Variants in PTPRN2 observed in about 807,000 individuals in gnomAD.
PTPRN2 encodes the protein receptor-type tyrosine-protein phosphatase N2.
Under a neutral mutation model 118.8 loss-of-function variants are expected in PTPRN2, and 74 were observed. That is an observed-to-expected ratio of 0.62 (90% CI 0.52 to 0.76). The LOEUF (loss-of-function observed/expected upper bound fraction) is 0.76. Ranked by LOEUF, PTPRN2 falls within the 30% of genes least tolerant of loss-of-function variation. The pLI is 0.00. For missense variants in PTPRN2, 1,481 were observed against 1,394.4 expected, an observed-to-expected ratio of 1.06 and a Z score of -0.99; for synonymous variants, 641 against 608.0, an observed-to-expected ratio of 1.05 and a Z score of -0.80.
chr7:158,103,858 GATT>G (rs1310132759), intron 10 of PTPRN2, among the ~76,000 whole-genome samples: 3 of 151,714 alleles, frequency 2.0e-5, no homozygotes, highest in African/African-American at 4.8e-5. Flanking sequence ...CTTAGAGACA[GATT>G]ATTATTATTT....
intron 12 of PTPRN2, among the ~76,000 whole-genome samples, chr7:157,758,540 G>T (rs1271544550): frequency 6.6e-6 from 1 of 152,254 alleles, no homozygotes; most frequent in Non-Finnish European, 1.5e-5. Flanking sequence ...AGGCTAAAGG[G>T]AGCCGAGGCA....
intron 12 of PTPRN2, among the ~76,000 whole-genome samples, chr7:157,767,372 C>G (rs1168534444): frequency 6.6e-6 from 1 of 152,208 alleles, no homozygotes; most frequent in Non-Finnish European, 1.5e-5. Context: ...AGACTGACTG[C>G]CATGTTATCT....
chr7:157,962,308 C>G (rs1801595937), intron 11 of PTPRN2, among the ~76,000 whole-genome samples: 1 of 151,962 alleles, frequency 6.6e-6, no homozygotes, highest in Non-Finnish European at 1.5e-5. Context: ...TGAATGGCCA[C>G]ACTTCAGCAG....
At chr7:157,737,859 C>G (rs1055886291) in intron 12 of PTPRN2, among the ~76,000 whole-genome samples, 4 of 152,218 alleles carry the variant, frequency 2.6e-5, no homozygotes, top group Non-Finnish European at 2.9e-5. Context: ...ACCCCCGATG[C>G]GGGGAGGACC....
chr7:157,931,964 C>T (rs1799385477), intron 11 of PTPRN2, among the ~76,000 whole-genome samples: 1 of 152,158 alleles, frequency 6.6e-6, no homozygotes, highest in Admixed American at 6.5e-5. Context: ...TAACATACGT[C>T]AGATTTATAG....
intron 9 of PTPRN2, among the ~76,000 whole-genome samples, chr7:158,124,738 G>A (rs1020663464): frequency 1.3e-5 from 2 of 152,134 alleles, no homozygotes; most frequent in Non-Finnish European, 2.9e-5. Flanking sequence ...AGGGCCTGGT[G>A]GAGTGTCCCC....
At chr7:158,206,436 C>G (rs934829202) in intron 3 of PTPRN2, among the ~76,000 whole-genome samples, 3 of 151,494 alleles carry the variant, frequency 2.0e-5, no homozygotes, top group Non-Finnish European at 4.4e-5. Flanking sequence ...GGTACCCAGG[C>G]AGTACCCCAT....
intron 6 of PTPRN2, among the ~76,000 whole-genome samples, chr7:158,154,693 A>G (rs1380410842): frequency 2.6e-5 from 4 of 152,178 alleles, no homozygotes; most frequent in Non-Finnish European, 5.9e-5. Flanking sequence ...TCCAAAAACT[A>G]CTTCCCCTCA....
chr7:158,460,601 C>T lies in PTPRN2; in HGVS notation c.163+29134G>A, dbSNP rs572498574. Among the ~76,000 whole-genome samples, 88 of 151,516 alleles carry T rather than the reference C, an allele frequency of 5.8e-4. 2 individuals carry two copies. In the South Asian group the frequency reaches 0.017, roughly 29 times the overall value. ...GGACTCTATCTACATGTTCCTGCTACGGGGGCTGTGTGCCGTCAGCACAGG... is the reference window on the plus strand; with the variant it reads ...GGACTCTATCTACATGTTCCTGCTATGGGGGCTGTGTGCCGTCAGCACAGG... On this transcript the variant is annotated intron_variant, in intron 2 of 22. Coordinates refer to ENST00000389418, the MANE Select transcript of PTPRN2 (RefSeq NM_002847.5).
intron 2 of PTPRN2, among the ~76,000 whole-genome samples, chr7:158,417,156 G>A (rs1814738046): frequency 6.6e-6 from 1 of 151,948 alleles, no homozygotes; most frequent in Non-Finnish European, 1.5e-5. Flanking sequence ...AAGTCACAGT[G>A]TACTACATTG....
At chr7:158,528,806 G>GAAA (rs59416367) in intron 1 of PTPRN2, among the ~76,000 whole-genome samples, 3,095 of 117,268 alleles carry the variant, frequency 0.026, 132 homozygotes, top group African/African-American at 0.09. Flanking sequence ...CTCAAAAACG[G>GAAA]AAAAAAAAAA....
chr7:158,144,521 C>T (rs940558774), intron 6 of PTPRN2, among the ~76,000 whole-genome samples: 6 of 152,200 alleles, frequency 3.9e-5, no homozygotes, highest in Non-Finnish European at 8.8e-5. Context: ...CGCCTGTAAT[C>T]CCAGCTATGC....
At chr7:157,693,256 C>T (rs1211203432) in intron 12 of PTPRN2, among the ~76,000 whole-genome samples, 2 of 151,996 alleles carry the variant, frequency 1.3e-5, no homozygotes, top group Admixed American at 1.3e-4. Context: ...TGTGTGTGCG[C>T]GCGTGTCTGA....
At chr7:157,725,629 C>A (rs1169648894) in intron 12 of PTPRN2, among the ~76,000 whole-genome samples, 1 of 140,754 alleles carries the variant, frequency 7.1e-6, no homozygotes, top group African/African-American at 2.7e-5. Context: ...TGTGGCCATA[C>A]CCTCGCCTCC....
chr7:157,727,121 T>C (rs537709399), intron 12 of PTPRN2, among the ~76,000 whole-genome samples: 9 of 152,336 alleles, frequency 5.9e-5, no homozygotes, highest in Non-Finnish European at 1.2e-4. Context: ...GGCAGCCCTA[T>C]GTCTGGGTGT....
intron 11 of PTPRN2, among the ~76,000 whole-genome samples, chr7:157,918,771 G>A (rs1412395427): frequency 1.3e-5 from 2 of 152,196 alleles, no homozygotes; most frequent in Non-Finnish European, 2.9e-5. Context: ...GAACTGGTGT[G>A]TGCCAAGAAA....
intron 4 of PTPRN2, among the ~76,000 whole-genome samples, chr7:158,204,188 C>T (rs1285531005): frequency 6.6e-6 from 1 of 151,012 alleles, no homozygotes; most frequent in Non-Finnish European, 1.5e-5. Flanking sequence ...CCGCCGCCCT[C>T]AGCGTGCGCC....
intron 9 of PTPRN2, among the ~76,000 whole-genome samples, chr7:158,131,332 T>C (rs1450016990): frequency 2.7e-5 from 4 of 147,534 alleles, no homozygotes; most frequent in African/African-American, 7.5e-5. Flanking sequence ...TACACACTCA[T>C]ACACATGCAC....
chr7:157,693,168 G>C (rs1797599925), intron 12 of PTPRN2, among the ~76,000 whole-genome samples: 1 of 151,998 alleles, frequency 6.6e-6, no homozygotes, highest in African/African-American at 2.4e-5. Flanking sequence ...GGAGGGGAGG[G>C]GGCTCGGAGG....
Sources: gnomAD v4.1 joint callset for allele counts (sites outside exome capture counted in the v4.1 genomes callset) on GRCh38, gnomAD v4.1.1 for gene constraint, MANE v1.5 for transcripts, NCBI Gene and HGNC (gene_info 2026-07-23, HGNC 2026-07-21) for gene names.